The following DDX3X variants were observed in gnomAD, a reference collection of about 807,000 sequenced individuals.
The protein encoded by DDX3X is ATP-dependent RNA helicase DDX3X.
A neutral mutation model predicts 52.7 loss-of-function variants in DDX3X; 4 were observed. The ratio of observed to expected loss-of-function variants is 0.08; its 90% CI spans 0.04 to 0.17. DDX3X has a LOEUF of 0.17. Among genes scored for constraint, DDX3X ranks in the 10% least tolerant of loss-of-function variants. DDX3X has a pLI of 1.00. For missense variants in DDX3X, 222 were observed against 548.6 expected, an observed-to-expected ratio of 0.40 and a Z score of 5.95; for synonymous variants, 192 against 178.1, an observed-to-expected ratio of 1.08 and a Z score of -0.62.
chrX:41,341,508 G>A lies in DDX3X; in HGVS notation c.176G>A (p.Gly59Glu). 1 of 1,206,953 alleles carries A rather than the reference G, an allele frequency of 8.3e-7. No individual in the cohort carries two copies. Among genetic ancestry groups the A allele is most frequent in the Non-Finnish European group, 1.1e-6 (1 of 891,464 alleles). ...TKGFYDKDSS[G>E]WSSSKDKDAY... ...GGTTTCTACGATAAAGACAGTTCAG[G>A]GTGGAGTTCTAGCAAAGATAAGGAT... The change falls in exon 4 of 17, where the codon GGG becomes GAG. Residue 59 changes from glycine (G) to glutamate (E), a missense_variant. Coordinates refer to ENST00000644876, the MANE Select transcript of DDX3X (RefSeq NM_001356.5).
In DDX3X at chrX:41,341,566, A is replaced by T. The variant is rs143627607; in HGVS notation, c.234A>T (p.Ser78=). 525 of 1,209,345 alleles carry T rather than the reference A, an allele frequency of 4.3e-4. No homozygotes were observed. In the African/African-American group the frequency reaches 7.8e-3, roughly 18 times the overall value. ...GCAGTTTTGGATCTCGTAGTGATTCAAGAGGGAAGTCTAGCTTCTTCAGTG... is the reference window on the plus strand; with the variant it reads ...GCAGTTTTGGATCTCGTAGTGATTCTAGAGGGAAGTCTAGCTTCTTCAGTG... ...AYSSFGSRSD[S]RGKSSFFSDR... is the part of the protein sequence containing the mutation. Residue 78 remains serine (S), a synonymous_variant, in exon 4 of 17, where the codon TCA becomes TCT. Coordinates refer to ENST00000644876, the MANE Select transcript of DDX3X (RefSeq NM_001356.5).
chrX:41,354,983 G>A (rs1465072833), downstream of DDX3X, among the ~76,000 whole-genome samples: 1 of 110,407 alleles, frequency 9.1e-6, no homozygotes, highest in African/African-American at 3.3e-5. Context: ...ACCACACCCA[G>A]CTAATTTTTG....
chrX:41,340,802 C>T (rs1379801253), intron 3 of DDX3X: 8 of 294,917 alleles, frequency 2.7e-5, no homozygotes, highest in African/African-American at 1.9e-4. Flanking sequence ...CTCCAAGAAA[C>T]ATGGAAACAA....
intron 1 of DDX3X, among the ~76,000 whole-genome samples, chrX:41,337,150 C>G (rs1435907886): frequency 8.9e-6 from 1 of 112,150 alleles, no homozygotes; most frequent in Non-Finnish European, 1.9e-5. Flanking sequence ...TAAATTTGGA[C>G]AGTTTCTACT....
At chrX:41,334,544 G>T in intron 1 of DDX3X, 1 of 1,093,829 alleles carries the variant, frequency 9.1e-7, no homozygotes, top group Non-Finnish European at 1.2e-6. Flanking sequence ...GTGTGCGTGC[G>T]CAGGCGGGCG....
chrX:41,338,282 C>A (rs939146937), intron 2 of DDX3X: 10 of 110,764 alleles, frequency 9.0e-5, no homozygotes, highest in African/African-American at 2.6e-4. Flanking sequence ...AGAACAGCTT[C>A]ACTGGGAACA....
chrX:41,347,067 G>T, intron 15 of DDX3X, 55 bp downstream of exon 15: 2 of 1,110,878 alleles, frequency 1.8e-6, no homozygotes. Flanking sequence ...ACAGTTCATA[G>T]TGTTTCCTCT....
At chrX:41,339,948 C>T (rs778347294) in intron 3 of DDX3X, 1 of 83,291 alleles carries the variant, frequency 1.2e-5, no homozygotes, top group Non-Finnish European at 2.2e-5. Flanking sequence ...GAGCCTTGCT[C>T]TGCTGCGGAG....
chrX:41,343,989 AG>A, intron 8 of DDX3X, 40 bp from the exon 9 acceptor site: 1 of 1,089,061 alleles, frequency 9.2e-7, no homozygotes, highest in Non-Finnish European at 1.2e-6. Flanking sequence ...CTTTTCAAAC[AG>A]GGTAGGTAGA....
intron 8 of DDX3X, 88 bp downstream of exon 8, chrX:41,343,910 G>T: frequency 1.4e-5 from 14 of 1,000,845 alleles, no homozygotes; most frequent in Non-Finnish European, 1.9e-5. Context: ...GACTTAAGTA[G>T]AATGAAAACC....
intron 5 of DDX3X, among the ~76,000 whole-genome samples, chrX:41,362,335 C>T (rs1273656210): frequency 1.8e-5 from 2 of 110,714 alleles, no homozygotes; most frequent in African/African-American, 3.3e-5. Context: ...GTAATCTGCC[C>T]GCCTTGGCCC....
chrX:41,346,157 A>G, intron 12 of DDX3X, 72 bp from the exon 13 acceptor site: 2 of 922,445 alleles, frequency 2.2e-6, no homozygotes, highest in Non-Finnish European at 3.0e-6. Context: ...GACACATTAA[A>G]ATTGTGCATA....
At chrX:41,352,176 T>G (rs2063991392), downstream of DDX3X, among the ~76,000 whole-genome samples, 1 of 111,314 alleles carries the variant, frequency 9.0e-6, no homozygotes, top group Non-Finnish European at 1.9e-5. Context: ...ACATCCCCAA[T>G]TTCCTCCCCC....
At chrX:41,334,774 A>T in intron 1 of DDX3X, 1 of 950,613 alleles carries the variant, frequency 1.1e-6, no homozygotes, top group Middle Eastern at 3.1e-4. Flanking sequence ...CAAGGGGTAG[A>T]ACGCGGCCCA....
At chrX:41,355,592 T>C (rs2064005015) in intron 5 of DDX3X, among the ~76,000 whole-genome samples, 1 of 109,907 alleles carries the variant, frequency 9.1e-6, no homozygotes, top group Admixed American at 9.8e-5. Context: ...CTCAGCCTCC[T>C]GAGTAATTGG....
chrX:41,351,131 G>A (rs2147367498), downstream of DDX3X: 1 of 111,661 alleles, frequency 9.0e-6, no homozygotes, highest in African/African-American at 3.3e-5. Flanking sequence ...AGATTGGATA[G>A]TCAATGGCTG....
chrX:41,344,015 T>C lies in DDX3X; in HGVS notation c.766-15T>C, dbSNP rs2063888687. On this transcript the variant is annotated splice_polypyrimidine_tract_variant and intron_variant, in intron 8 of 16. Coordinates refer to ENST00000644876, the MANE Select transcript of DDX3X (RefSeq NM_001356.5). ...GGGTAGGTAGAGTTAACTTAAAAAT[T>C]AACTTATTTCTTAGGAAAATGGAAG... The C allele has an allele frequency of 4.2e-6, 5 of 1,182,053 alleles. No homozygotes were observed. The highest frequency in any genetic ancestry group is 5.7e-6 in the Non-Finnish European group (5 of 878,201).
intron 15 of DDX3X, 146 bp downstream of exon 15, chrX:41,347,158 G>A: frequency 3.3e-6 from 3 of 909,500 alleles, no homozygotes; most frequent in East Asian, 3.1e-5. Flanking sequence ...TTGGTAAGGG[G>A]TTGTATTAGA....
intron 5 of DDX3X, chrX:41,357,773 C>A (rs1488632414): frequency 1.0e-5 from 3 of 290,283 alleles, no homozygotes; most frequent in Non-Finnish European, 1.8e-5. Context: ...GAATATCCAA[C>A]CAACAGTAAA....
Sources: gnomAD v4.1 joint callset for allele counts (sites outside exome capture counted in the v4.1 genomes callset) on GRCh38, gnomAD v4.1.1 for gene constraint, MANE v1.5 for transcripts, NCBI Gene and HGNC (gene_info 2026-07-23, HGNC 2026-07-21) for gene names.